The following NVL variants were observed in gnomAD, a reference collection of about 807,000 sequenced individuals.
NVL encodes the protein nuclear valosin-containing protein-like.
Under a neutral mutation model 110.2 loss-of-function variants are expected in NVL, and 84 were observed. The observed-to-expected ratio is 0.76, with a 90% CI of 0.64 to 0.91. The LOEUF (loss-of-function observed/expected upper bound fraction) is 0.91, where lower values mean the gene tolerates loss of function less well. NVL is among the 40% of genes least tolerant of loss of function. NVL has a pLI of 0.00. For synonymous variants in NVL, 354 were observed against 361.1 expected (o/e 0.98, Z 0.22); for missense variants, 882 against 1,035.9 (o/e 0.85, Z 2.04).
intron 18 of NVL, among the ~76,000 whole-genome samples, chr1:224,261,290 G>A (rs1027370809): frequency 6.6e-6 from 1 of 152,124 alleles, no homozygotes; most frequent in Non-Finnish European, 1.5e-5. Context: ...ACAGGTGTGA[G>A]CCACCACACT....
chr1:224,252,504 G>A (rs1662615288), intron 18 of NVL, among the ~76,000 whole-genome samples: 1 of 152,020 alleles, frequency 6.6e-6, no homozygotes. Context: ...TAACCAATGA[G>A]TTACTCCTCT....
chr1:224,298,300 C>G, intron 10 of NVL: 1 of 274,626 alleles, frequency 3.6e-6, no homozygotes, highest in Non-Finnish European at 6.9e-6. Context: ...AGTGTTACCA[C>G]CACAAAACTG....
Position 224,255,202 on chromosome 1 carries a change from TTTC to T in NVL, c.2183-4887_2183-4885del, listed in dbSNP as rs1285621630. Among the ~76,000 whole-genome samples, 10 of 142,614 alleles carry T rather than the reference TTTC, an allele frequency of 7.0e-5. 1 individual carries two copies. The highest frequency in any genetic ancestry group is 2.3e-4 in the South Asian group (1 of 4,340). 93.6% of individuals were successfully genotyped at this position (142,614 alleles called of 152,430 possible). A position where few individuals can be genotyped will look rare whatever the true frequency, so the allele number is the denominator to read the frequency against. ...TGTAGGTTTTTTTTTTTTTTTTTTT[TTTC>T]CTGAGACAGGGTCTCGCTCTGCCGT... On this transcript the variant is annotated intron_variant, in intron 18 of 22. Transcript: ENST00000281701.
intron 19 of NVL, among the ~76,000 whole-genome samples, chr1:224,237,750 A>C (rs1660655438): frequency 5.9e-5 from 1 of 16,822 alleles, no homozygotes; most frequent in African/African-American, 1.3e-4. Flanking sequence ...TTTTTGAGAC[A>C]GTCTCGCTCT....
chr1:224,244,381 T>C (rs1224044248), intron 19 of NVL, among the ~76,000 whole-genome samples: 4 of 151,948 alleles, frequency 2.6e-5, no homozygotes, highest in Non-Finnish European at 2.9e-5. Flanking sequence ...AAAAAAAATT[T>C]CTACTTCTCA....
At chr1:224,292,771 G>A (rs1400996583) in intron 12 of NVL, among the ~76,000 whole-genome samples, 1 of 151,640 alleles carries the variant, frequency 6.6e-6, no homozygotes, top group African/African-American at 2.4e-5. Flanking sequence ...TTTTGAGACA[G>A]GGTTTTGCTG....
At chr1:224,270,796 G>A (rs1166980360) in intron 17 of NVL, among the ~76,000 whole-genome samples, 1 of 152,136 alleles carries the variant, frequency 6.6e-6, no homozygotes, top group African/African-American at 2.4e-5. Flanking sequence ...TCAGGGACAT[G>A]TATACTAAAA....
intron 4 of NVL, among the ~76,000 whole-genome samples, chr1:224,316,019 C>T (rs151334652): frequency 1.2e-3 from 189 of 151,926 alleles, no homozygotes; most frequent in Middle Eastern, 6.8e-3. Context: ...CATAGTGAGA[C>T]CCCCATTTCT....
At chr1:224,295,493 C>T (rs1667793084) in intron 11 of NVL, among the ~76,000 whole-genome samples, 1 of 152,060 alleles carries the variant, frequency 6.6e-6, no homozygotes. Context: ...AGCCACTGCG[C>T]CCAGCCACAG....
chr1:224,276,055 A>G (rs371043035), intron 16 of NVL, among the ~76,000 whole-genome samples: 2 of 152,236 alleles, frequency 1.3e-5, no homozygotes, highest in Non-Finnish European at 2.9e-5. Context: ...ATTCACAAGC[A>G]ACTATAACAT....
intron 2 of NVL, among the ~76,000 whole-genome samples, chr1:224,324,652 T>G (rs1670965412): frequency 6.6e-6 from 1 of 152,328 alleles, no homozygotes; most frequent in East Asian, 1.9e-4. Context: ...CAAGTTGGTC[T>G]TGAACTCTAT....
chr1:224,324,540 C>A (rs1230816862), intron 2 of NVL, among the ~76,000 whole-genome samples: 2 of 152,186 alleles, frequency 1.3e-5, no homozygotes, highest in African/African-American at 4.8e-5. Context: ...GCGATCCTCC[C>A]ACCTCAGCCT....
At chr1:224,239,818 C>A (rs969151812) in intron 19 of NVL, among the ~76,000 whole-genome samples, 5 of 152,126 alleles carry the variant, frequency 3.3e-5, no homozygotes, top group African/African-American at 1.2e-4. Flanking sequence ...AAGCCTCAGT[C>A]CCAAGAGGCT....
chr1:224,263,553 T>C (rs748263184), intron 18 of NVL, among the ~76,000 whole-genome samples: 1 of 152,216 alleles, frequency 6.6e-6, no homozygotes, highest in African/African-American at 2.4e-5. Flanking sequence ...TTACCCAGTA[T>C]AGGTAAAACA....
intron 21 of NVL, 65 bp from the exon 22 acceptor site, chr1:224,231,361 T>G: frequency 7.4e-7 from 1 of 1,358,638 alleles, no homozygotes; most frequent in Admixed American, 1.7e-5. Flanking sequence ...AGAACTTAAC[T>G]TCCTTTGAAA....
chr1:224,250,620 A>G (rs1342839338), intron 18 of NVL, among the ~76,000 whole-genome samples: 1 of 151,980 alleles, frequency 6.6e-6, no homozygotes, highest in African/African-American at 2.4e-5. Flanking sequence ...TACATGAGTA[A>G]GTTATTTGGT....
chr1:224,255,894 G>C (rs1234714270), intron 18 of NVL, among the ~76,000 whole-genome samples: 1 of 152,142 alleles, frequency 6.6e-6, no homozygotes, highest in African/African-American at 2.4e-5. Flanking sequence ...TTTTTTGTAT[G>C]TGGTAAAAGG....
intron 19 of NVL, among the ~76,000 whole-genome samples, chr1:224,240,428 G>A (rs1661054232): frequency 6.6e-6 from 1 of 151,928 alleles, no homozygotes; most frequent in Non-Finnish European, 1.5e-5. Context: ...GGTCAGGCTG[G>A]TCTCAAACTC....
chr1:224,294,293 A>G lies in NVL; in HGVS notation c.1299T>C (p.Gly433=). The part of the protein sequence containing the change: ...AGRFDREICL[G]IPDEASRERI... ...TTTCCCTGGATGCTTCATCTGGGAT[A>G]CCTAGGCATATTTCTCGGTCGAACC... Residue 433 remains glycine (G), a synonymous_variant, in exon 12 of 23, where the codon GGT becomes GGC. Transcript: ENST00000281701. 6.2e-7 allele frequency: 1 copy of G among 1,614,164 alleles called. No homozygotes were observed. The highest frequency in any genetic ancestry group is 8.5e-7 in the Non-Finnish European group (1 of 1,180,034).
Sources: allele counts gnomAD v4.1 joint callset (sites outside exome capture counted in the v4.1 genomes callset), GRCh38; gene constraint gnomAD v4.1.1; transcripts MANE v1.5; gene names NCBI Gene and HGNC (gene_info 2026-07-23, HGNC 2026-07-21).